The following MSL2 variants were observed in gnomAD, a reference collection of about 807,000 sequenced individuals.
MSL2 encodes MSL complex subunit 2, also known as E3 ubiquitin-protein ligase MSL2.
A neutral mutation model predicts 35.8 loss-of-function variants in MSL2; 2 were observed. The ratio of observed to expected loss-of-function variants is 0.06; its 90% CI spans 0.02 to 0.18. The LOEUF is 0.18. Among genes scored for constraint, MSL2 ranks in the 10% least tolerant of loss-of-function variants. The pLI, the probability that MSL2 is intolerant of heterozygous loss-of-function variation, is 1.00. For synonymous variants in MSL2, 296 were observed against 255.7 expected, an observed-to-expected ratio of 1.16 and a Z score of -1.50; for missense variants, 523 against 706.7, an observed-to-expected ratio of 0.74 and a Z score of 2.95.
At chr3:136,174,363 T>C (rs1027095814) in intron 1 of MSL2, among the ~76,000 whole-genome samples, 1 of 152,162 alleles carries the variant, frequency 6.6e-6, no homozygotes, top group African/African-American at 2.4e-5. Flanking sequence ...AGCCTAGAAT[T>C]ATTTTCACTT....
At chr3:136,180,716 A>G (rs1222465215) in intron 1 of MSL2, among the ~76,000 whole-genome samples, 4 of 143,928 alleles carry the variant, frequency 2.8e-5, no homozygotes, top group African/African-American at 7.7e-5. Context: ...AAAAGAAAAA[A>G]CAAAAGAAAA....
At chr3:136,181,990 ATTTT>A (rs1044970501) in intron 1 of MSL2, among the ~76,000 whole-genome samples, 1 of 151,916 alleles carries the variant, frequency 6.6e-6, no homozygotes, top group South Asian at 2.1e-4. Flanking sequence ...AGAAAAAAAA[ATTTT>A]TTAATTTAAA....
Position 136,196,013 on chromosome 3 carries a change from G to T in MSL2, c.-900C>A. On this transcript the variant is annotated 5_prime_UTR_variant, in exon 1 of 2. Transcript: ENST00000309993. ...CACACACACAGACGACTCCTCCGCC[G>T]AGCACGACGGCCGCCGCCGCCCTCA... The T allele has an allele frequency of 5.6e-6, 1 of 178,170 alleles. No homozygotes were observed. The allele number at this position is 178,170 out of a possible 1,614,324, so 11.0% of individuals were successfully genotyped here.
intron 1 of MSL2, among the ~76,000 whole-genome samples, chr3:136,172,032 C>T (rs902900466): frequency 2.0e-5 from 3 of 152,114 alleles, no homozygotes; most frequent in African/African-American, 7.2e-5. Context: ...GGTGGGACCA[C>T]AACTCCTGGC....
chr3:136,189,455 T>C (rs1940621054), intron 1 of MSL2, among the ~76,000 whole-genome samples: 1 of 147,954 alleles, frequency 6.8e-6, no homozygotes, highest in Non-Finnish European at 1.5e-5. Context: ...CTGGGCGCAG[T>C]GGCTCACACC....
At chr3:136,177,111 G>A (rs1329344845) in intron 1 of MSL2, among the ~76,000 whole-genome samples, 2 of 152,110 alleles carry the variant, frequency 1.3e-5, no homozygotes, top group South Asian at 2.1e-4. Context: ...TTTTAGTACT[G>A]AACCAAAAAG....
chr3:136,162,277 A>ATTTT (rs1378075863), intron 1 of MSL2, among the ~76,000 whole-genome samples: 6 of 151,162 alleles, frequency 4.0e-5, no homozygotes, highest in African/African-American at 1.5e-4. Flanking sequence ...GGTTTTTAAA[A>ATTTT]AAAAAAAAAA....
At chr3:136,168,255 GAATT>G (rs1170167790) in intron 1 of MSL2, among the ~76,000 whole-genome samples, 1 of 151,822 alleles carries the variant, frequency 6.6e-6, no homozygotes, top group Non-Finnish European at 1.5e-5. Flanking sequence ...AAAAGAAAAA[GAATT>G]AAAAATGACA....
At chr3:136,187,443 A>G (rs546940293) in intron 1 of MSL2, among the ~76,000 whole-genome samples, 6 of 151,910 alleles carry the variant, frequency 3.9e-5, no homozygotes, top group Admixed American at 1.3e-4. Flanking sequence ...TGGGAGGATG[A>G]CCTGAGGTCA....
At chr3:136,158,472 G>C (rs1211157286) in intron 1 of MSL2, among the ~76,000 whole-genome samples, 1 of 151,968 alleles carries the variant, frequency 6.6e-6, no homozygotes, top group Non-Finnish European at 1.5e-5. Context: ...TCTTTAACTT[G>C]ATGGTGGTGG....
chr3:136,193,156 GTTTT>G (rs551142956), intron 1 of MSL2, among the ~76,000 whole-genome samples: 2 of 151,974 alleles, frequency 1.3e-5, no homozygotes, highest in Admixed American at 6.6e-5. Flanking sequence ...AATGTAGTGG[GTTTT>G]TTTTATCTTT....
intron 1 of MSL2, among the ~76,000 whole-genome samples, chr3:136,166,821 C>T (rs1035270604): frequency 1.3e-5 from 2 of 152,194 alleles, no homozygotes; most frequent in African/African-American, 4.8e-5. Context: ...TCTTTAAATA[C>T]ATAGTTGATC....
chr3:136,174,300 T>C (rs940620705), intron 1 of MSL2, among the ~76,000 whole-genome samples: 2 of 152,320 alleles, frequency 1.3e-5, no homozygotes, highest in East Asian at 3.9e-4. Flanking sequence ...CTTTCATGGA[T>C]TACATAACTG....
chr3:136,183,000 A>C (rs1342531974), intron 1 of MSL2, among the ~76,000 whole-genome samples: 1 of 152,200 alleles, frequency 6.6e-6, no homozygotes, highest in African/African-American at 2.4e-5. Flanking sequence ...TGCTGAACAA[A>C]AGCTTAAAAA....
intron 1 of MSL2, among the ~76,000 whole-genome samples, chr3:136,173,318 G>A (rs932668514): frequency 2.0e-5 from 3 of 151,908 alleles, no homozygotes; most frequent in African/African-American, 7.3e-5. Context: ...ACCCAATATC[G>A]AAGTGCCTAC....
At chr3:136,172,860 A>C (rs565148891) in intron 1 of MSL2, among the ~76,000 whole-genome samples, 2 of 152,270 alleles carry the variant, frequency 1.3e-5, no homozygotes, top group East Asian at 3.9e-4. Flanking sequence ...GACACCATAC[A>C]AACTTTAAAA....
At chr3:136,190,905 A>G (rs1940668346) in intron 1 of MSL2, among the ~76,000 whole-genome samples, 1 of 152,226 alleles carries the variant, frequency 6.6e-6, no homozygotes, top group South Asian at 2.1e-4. Context: ...TCTCTACAGC[A>G]AGGCTATCCC....
intron 1 of MSL2, among the ~76,000 whole-genome samples, chr3:136,176,692 T>C (rs1346045248): frequency 6.6e-6 from 1 of 151,096 alleles, no homozygotes; most frequent in Admixed American, 6.6e-5. Context: ...ATTAACCAGG[T>C]GTGGTGGCAC....
rs184691742 is a variant in MSL2 at position 136,159,413 on chromosome 3, G to A, written c.143-6675C>T. ...GATTCTCGCTCTGTCGCCCAGGCTGGAGTGCAGTGGTGCCATCTCGGCTCA... is the reference window on the plus strand; with the variant it reads ...GATTCTCGCTCTGTCGCCCAGGCTGAAGTGCAGTGGTGCCATCTCGGCTCA... On this transcript the variant is annotated intron_variant, in intron 1 of 1. Transcript: ENST00000309993. Among the ~76,000 whole-genome samples the A allele has an allele frequency of 8.0e-3, 1,105 of 138,756 alleles. 23 individuals carry two copies. The highest frequency in any genetic ancestry group is 0.028 in the African/African-American group (1,002 of 36,330). The allele number at this position is 138,756 out of a possible 152,430, so 91.0% of individuals were successfully genotyped here. A position where few individuals can be genotyped will look rare whatever the true frequency, so the allele number is the denominator to read the frequency against.
Sources: gnomAD v4.1 joint callset for allele counts (sites outside exome capture counted in the v4.1 genomes callset) on GRCh38, gnomAD v4.1.1 for gene constraint, MANE v1.5 for transcripts, NCBI Gene and HGNC (gene_info 2026-07-23, HGNC 2026-07-21) for gene names.